The following RAB28 variants were observed in gnomAD, a reference collection of about 807,000 sequenced individuals.
The protein encoded by RAB28 is ras-related protein Rab-28.
Under a neutral mutation model 31.7 loss-of-function variants are expected in RAB28, and 24 were observed. The observed-to-expected ratio is 0.76, with a 90% confidence interval of 0.55 to 1.06. RAB28 has a LOEUF of 1.06. Among genes scored for constraint, RAB28 ranks in the 50% least tolerant of loss-of-function variants. RAB28 has a pLI of 0.00. For missense variants in RAB28, 254 were observed against 258.5 expected (o/e 0.98, Z 0.12); for synonymous variants, 100 against 90.4 (o/e 1.11, Z -0.60).
chr4:13,473,807 G>T, intron 3 of RAB28: 5 of 358,918 alleles, frequency 1.4e-5, no homozygotes, highest in South Asian at 4.1e-5. Flanking sequence ...GTAAATTATT[G>T]TATGTGTTTC....
chr4:13,484,258 G>T lies in RAB28; in HGVS notation c.-108C>A. The T allele has an allele frequency of 1.2e-6, 1 of 828,590 alleles. No homozygotes were observed. The highest frequency in any genetic ancestry group is 2.0e-6 in the Non-Finnish European group (1 of 498,464). 51.3% of individuals were successfully genotyped at this position (828,590 alleles called of 1,614,324 possible). On this transcript the variant is annotated 5_prime_UTR_variant, in exon 1 of 7. Coordinates refer to ENST00000330852, the MANE Select transcript of RAB28 (RefSeq NM_001017979.3). ...GGGAGGTAGTTGCGGCAGGACCCCC[G>T]CCCCGGTGTCTCCGCGCCGGCAGGA...
intron 4 of RAB28, among the ~76,000 whole-genome samples, chr4:13,395,965 G>A (rs1041384719): frequency 1.3e-5 from 2 of 151,854 alleles, no homozygotes; most frequent in African/African-American, 2.4e-5. Flanking sequence ...ATTTTAAAAA[G>A]GGAATATATT....
intron 4 of RAB28, among the ~76,000 whole-genome samples, chr4:13,437,927 A>C (rs1455402734): frequency 6.6e-6 from 1 of 152,192 alleles, no homozygotes; most frequent in Non-Finnish European, 1.5e-5. Context: ...CACAATAGTG[A>C]AGTCATGGAA....
chr4:13,409,745 T>C (rs1712315317), intron 4 of RAB28, among the ~76,000 whole-genome samples: 1 of 152,224 alleles, frequency 6.6e-6, no homozygotes, highest in South Asian at 2.1e-4. Context: ...AAAATGTCTC[T>C]TGTGGCCAAT....
At chr4:13,388,547 T>C (rs1266245247) in intron 4 of RAB28, among the ~76,000 whole-genome samples, 1 of 151,964 alleles carries the variant, frequency 6.6e-6, no homozygotes. Context: ...AAAATTTTCG[T>C]GTATCAAAGC....
chr4:13,396,934 C>T (rs1729897690), intron 4 of RAB28, among the ~76,000 whole-genome samples: 2 of 152,038 alleles, frequency 1.3e-5, no homozygotes, highest in South Asian at 2.1e-4. Context: ...AATAAGGTTG[C>T]TACTTTTAGC....
At chr4:13,468,166 T>A (rs1244203100) in intron 3 of RAB28, among the ~76,000 whole-genome samples, 1 of 151,650 alleles carries the variant, frequency 6.6e-6, no homozygotes, top group Non-Finnish European at 1.5e-5. Context: ...CCCCCTAGAG[T>A]TGAAGACTTT....
intron 4 of RAB28, among the ~76,000 whole-genome samples, chr4:13,446,269 A>C (rs949884769): frequency 2.6e-5 from 4 of 152,162 alleles, no homozygotes; most frequent in African/African-American, 9.7e-5. Flanking sequence ...TGGCAGTGGG[A>C]ATTTCAAGCT....
At chr4:13,417,007 C>G (rs1430587817) in intron 4 of RAB28, among the ~76,000 whole-genome samples, 1 of 152,176 alleles carries the variant, frequency 6.6e-6, no homozygotes, top group Non-Finnish European at 1.5e-5. Context: ...ACAGACTGTA[C>G]CTGGAAAATT....
chr4:13,469,863 A>C (rs1474637426), intron 3 of RAB28, among the ~76,000 whole-genome samples: 1 of 151,784 alleles, frequency 6.6e-6, no homozygotes, highest in African/African-American at 2.4e-5. Context: ...TAATTTTTTA[A>C]ATTTTTTTGT....
At chr4:13,440,489 T>G (rs1165163832) in intron 4 of RAB28, among the ~76,000 whole-genome samples, 1 of 152,126 alleles carries the variant, frequency 6.6e-6, no homozygotes, top group Non-Finnish European at 1.5e-5. Flanking sequence ...ATCAATATTT[T>G]TATATATATA....
chr4:13,430,841 G>A (rs1713768721), intron 4 of RAB28, among the ~76,000 whole-genome samples: 1 of 152,144 alleles, frequency 6.6e-6, no homozygotes, highest in Admixed American at 6.5e-5. Flanking sequence ...CACCCCTAAA[G>A]GAAGAGGGAA....
At chr4:13,466,474 C>T (rs1715851769) in intron 3 of RAB28, among the ~76,000 whole-genome samples, 1 of 151,578 alleles carries the variant, frequency 6.6e-6, no homozygotes, top group South Asian at 2.1e-4. Context: ...CAGAGAAATG[C>T]AAATTAAAAG....
In RAB28 at chr4:13,371,552, T is replaced by C. The variant is rs1560264397; in HGVS notation, c.574-2902A>G. The C allele has an allele frequency of 5.1e-6, 5 of 985,184 alleles. No individual in the cohort carries two copies. The South Asian group carries it at 1.9e-4, about 37-fold the overall frequency. 61.0% of individuals were successfully genotyped at this position (985,184 alleles called of 1,614,324 possible). A position where few individuals can be genotyped will look rare whatever the true frequency, so the allele number is the denominator to read the frequency against. On this transcript the variant is annotated intron_variant, in intron 6 of 6. Coordinates refer to ENST00000330852, the MANE Select transcript of RAB28 (RefSeq NM_001017979.3). The stretch of plus-strand genomic sequence containing the variant: ...TCATTATTAATTTTCATCAAATTAA[T>C]GAAGAATTAACAAGACAGCATCATT...
intron 2 of RAB28, among the ~76,000 whole-genome samples, chr4:13,477,927 G>C (rs1167511140): frequency 6.6e-6 from 1 of 151,496 alleles, no homozygotes; most frequent in Non-Finnish European, 1.5e-5. Context: ...TTTAATATTT[G>C]AGTAGGTACT....
chr4:13,438,681 G>T (rs1714259877), intron 4 of RAB28, among the ~76,000 whole-genome samples: 1 of 152,030 alleles, frequency 6.6e-6, no homozygotes, highest in African/African-American at 2.4e-5. Flanking sequence ...ATAGAAATTT[G>T]GGCTGTTACT....
chr4:13,380,637 T>A (rs1268827576), intron 5 of RAB28, among the ~76,000 whole-genome samples: 1 of 152,132 alleles, frequency 6.6e-6, no homozygotes, highest in Non-Finnish European at 1.5e-5. Context: ...AAATCCTGAA[T>A]GTTAAAAGGA....
At chr4:13,460,306 C>G (rs79652621) in intron 4 of RAB28, among the ~76,000 whole-genome samples, 2,068 of 152,272 alleles carry the variant, frequency 0.014, 24 homozygotes, top group Non-Finnish European at 0.023. Flanking sequence ...TCGCAGACAG[C>G]CACCTTCTTG....
chr4:13,463,897 A>C (rs999230647), intron 3 of RAB28, among the ~76,000 whole-genome samples: 1 of 152,132 alleles, frequency 6.6e-6, no homozygotes, highest in Non-Finnish European at 1.5e-5. Context: ...TGTAAAAAAA[A>C]ACCATGAAAG....
Sources: allele counts gnomAD v4.1 joint callset (sites outside exome capture counted in the v4.1 genomes callset), GRCh38; gene constraint gnomAD v4.1.1; transcripts MANE v1.5; gene names NCBI Gene and HGNC (gene_info 2026-07-23, HGNC 2026-07-21).